The following NINL variants were observed in gnomAD, a reference collection of about 807,000 sequenced individuals.
The protein encoded by NINL is ninein like, also known as ninein-like protein.
In NINL, 153 loss-of-function variants were observed where a neutral mutation model predicts 160.3. The observed-to-expected ratio is 0.95, with a 90% CI of 0.84 to 1.09. The LOEUF (loss-of-function observed/expected upper bound fraction) is 1.09. Among genes scored for constraint, NINL ranks in the 50% least tolerant of loss-of-function variants. The pLI, the probability that NINL is intolerant of heterozygous loss-of-function variation, is 0.00. For synonymous variants in NINL, 800 were observed against 734.8 expected (o/e 1.09, Z -1.43); for missense variants, 1,829 against 1,764.0 (o/e 1.04, Z -0.66).
At chr20:25,483,678 C>T (rs2063447293) in intron 13 of NINL, among the ~76,000 whole-genome samples, 1 of 152,372 alleles carries the variant, frequency 6.6e-6, no homozygotes, top group Admixed American at 6.5e-5. Context: ...TCAGGGGAGG[C>T]ATCTGCATTT....
intron 21 of NINL, chr20:25,458,833 C>A (rs555920586): frequency 2.5e-4 from 94 of 374,942 alleles, no homozygotes; most frequent in Non-Finnish European, 3.6e-4. Context: ...TTCCAGTGAA[C>A]CTTGCTGGGG....
intron 2 of NINL, among the ~76,000 whole-genome samples, chr20:25,520,656 A>C (rs946975624): frequency 6.6e-6 from 1 of 152,098 alleles, no homozygotes; most frequent in Non-Finnish European, 1.5e-5. Flanking sequence ...GGATATTTTT[A>C]CTCGGTATGA....
At chr20:25,491,872 C>T (rs966704348) in intron 10 of NINL, among the ~76,000 whole-genome samples, 3 of 152,180 alleles carry the variant, frequency 2.0e-5, no homozygotes, top group African/African-American at 4.8e-5. Flanking sequence ...TAAAGACTTT[C>T]GATACCAAAT....
chr20:25,458,551 G>A (rs1322958825), intron 21 of NINL, 22 bp from the exon 22 acceptor site: 1 of 1,554,920 alleles, frequency 6.4e-7, no homozygotes, highest in Non-Finnish European at 8.7e-7. Context: ...AGGGGAGACA[G>A]CTCTGGTGGG....
At chr20:25,523,616 T>C (rs1398530000) in intron 2 of NINL, among the ~76,000 whole-genome samples, 2 of 152,076 alleles carry the variant, frequency 1.3e-5, no homozygotes, top group African/African-American at 4.8e-5. Context: ...TGATAGTTAC[T>C]ACAAGGACTG....
intron 1 of NINL, among the ~76,000 whole-genome samples, chr20:25,548,111 G>C (rs1438190965): frequency 6.6e-6 from 1 of 152,186 alleles, no homozygotes; most frequent in Non-Finnish European, 1.5e-5. Flanking sequence ...GTCCCTCCTT[G>C]CCATGGGGGC....
intron 19 of NINL, among the ~76,000 whole-genome samples, chr20:25,463,681 G>A (rs998145439): frequency 3.9e-5 from 6 of 152,144 alleles, no homozygotes; most frequent in African/African-American, 1.2e-4. Context: ...CCTCTGACCC[G>A]CTCTCAGCAC....
At chr20:25,583,271 T>C (rs2065193884) in intron 1 of NINL, among the ~76,000 whole-genome samples, 1 of 151,928 alleles carries the variant, frequency 6.6e-6, no homozygotes, top group East Asian at 1.9e-4. Context: ...CTTAAACAAA[T>C]TTACAAGAAA....
intron 1 of NINL, among the ~76,000 whole-genome samples, chr20:25,552,806 C>T (rs1274462088): frequency 2.0e-5 from 3 of 152,244 alleles, no homozygotes; most frequent in South Asian, 4.1e-4. Flanking sequence ...AGAGTAGCTC[C>T]AGGTGGCTCT....
chr20:25,562,152 G>A (rs1467962141), intron 1 of NINL, among the ~76,000 whole-genome samples: 8 of 141,862 alleles, frequency 5.6e-5, no homozygotes, highest in East Asian at 2.0e-4. Context: ...CAGGCGAGAC[G>A]CCCCGTCCGG....
rs2064546141 is a variant in NINL at position 25,535,802 on chromosome 20, C to T, written c.-11-9204G>A. Reference sequence around the variant, plus strand: ...TTTATCTGGATTTTCTCCTTGCCTCCCTCTCCCGCAAAATAATCAATCCCA... The same window carrying T: ...TTTATCTGGATTTTCTCCTTGCCTCTCTCTCCCGCAAAATAATCAATCCCA... On this transcript the variant is annotated intron_variant, in intron 1 of 23. Transcript: ENST00000278886. Among the ~76,000 whole-genome samples, 4 of 152,124 alleles carry T rather than the reference C, an allele frequency of 2.6e-5. No homozygotes were observed. The South Asian group carries it at 8.3e-4, about 32-fold the overall frequency.
chr20:25,559,495 T>C (rs2147125093), intron 1 of NINL, among the ~76,000 whole-genome samples: 1 of 152,272 alleles, frequency 6.6e-6, no homozygotes, highest in South Asian at 2.1e-4. Context: ...TGCCCCAGCC[T>C]CCCAAAGTGC....
chr20:25,499,792 A>G (rs1184852732), intron 8 of NINL, among the ~76,000 whole-genome samples: 2 of 152,078 alleles, frequency 1.3e-5, no homozygotes, highest in African/African-American at 4.8e-5. Flanking sequence ...AGAGCCTCCA[A>G]GAGTTACAGG....
At chr20:25,570,219 T>C (rs1312321987) in intron 1 of NINL, among the ~76,000 whole-genome samples, 4 of 152,112 alleles carry the variant, frequency 2.6e-5, no homozygotes, top group Admixed American at 2.6e-4. Context: ...GAAGAATTCA[T>C]ATAGACACCA....
chr20:25,505,948 G>A (rs1407795506), intron 5 of NINL, among the ~76,000 whole-genome samples: 2 of 152,228 alleles, frequency 1.3e-5, no homozygotes, highest in Non-Finnish European at 2.9e-5. Flanking sequence ...AACCTTCTAT[G>A]GTCAGCCATG....
intron 14 of NINL, 119 bp downstream of exon 14, chr20:25,481,849 C>T: frequency 7.1e-7 from 1 of 1,412,730 alleles, no homozygotes; most frequent in Non-Finnish European, 9.5e-7. Flanking sequence ...AGCAGACCAC[C>T]TCCCTTCAGG....
At chr20:25,516,249 C>T (rs962966758) in intron 3 of NINL, among the ~76,000 whole-genome samples, 1 of 152,134 alleles carries the variant, frequency 6.6e-6, no homozygotes, top group Admixed American at 6.5e-5. Flanking sequence ...AACCTCTTTT[C>T]TTCATGAATT....
chr20:25,513,888 T>G (rs182565171), intron 3 of NINL, among the ~76,000 whole-genome samples: 84 of 152,324 alleles, frequency 5.5e-4, no homozygotes, highest in Admixed American at 2.2e-3. Context: ...TGTGAGTCAA[T>G]TAAAACTCTT....
At chr20:25,496,873 TG>T (rs1187362996) in intron 9 of NINL, 70 bp from the exon 10 acceptor site, 28 of 1,584,540 alleles carry the variant, frequency 1.8e-5, no homozygotes, top group Non-Finnish European at 2.4e-5. Flanking sequence ...CAGGTGGCTC[TG>T]GGCCCCATAT....
Sources: gnomAD v4.1 joint callset for allele counts (sites outside exome capture counted in the v4.1 genomes callset) on GRCh38, gnomAD v4.1.1 for gene constraint, MANE v1.5 for transcripts, NCBI Gene and HGNC (gene_info 2026-07-23, HGNC 2026-07-21) for gene names.